The following CCDC102B variants were observed in gnomAD, a reference collection of about 807,000 sequenced individuals.
CCDC102B encodes the protein coiled-coil domain containing 102B, also known as coiled-coil domain-containing protein 102B.
A neutral mutation model predicts 57.4 loss-of-function variants in CCDC102B; 75 were observed. That is an observed-to-expected ratio of 1.31 (90% confidence interval 1.08 to 1.58). CCDC102B has a LOEUF of 1.58. CCDC102B is among the 40% of genes most tolerant of loss of function. The pLI, the probability that CCDC102B is intolerant of heterozygous loss-of-function variation, is 0.00. For synonymous variants in CCDC102B, 206 were observed against 201.9 expected (o/e 1.02, Z -0.17); for missense variants, 636 against 582.6 (o/e 1.09, Z -0.94).
chr18:68,907,426 T>C (rs1487442700), intron 6 of CCDC102B, among the ~76,000 whole-genome samples: 1 of 152,198 alleles, frequency 6.6e-6, no homozygotes, highest in Non-Finnish European at 1.5e-5. Context: ...TACGTATTCT[T>C]ATCTGTGCAT....
chr18:68,842,749 G>A (rs1054411118), intron 3 of CCDC102B, among the ~76,000 whole-genome samples: 4 of 152,170 alleles, frequency 2.6e-5, no homozygotes, highest in Non-Finnish European at 5.9e-5. Context: ...AATGGTGGCC[G>A]AAATAGTGTG....
intron 2 of CCDC102B, among the ~76,000 whole-genome samples, chr18:68,761,714 T>A (rs1393333379): frequency 6.6e-6 from 1 of 152,158 alleles, no homozygotes; most frequent in African/African-American, 2.4e-5. Context: ...TACAGCTTTT[T>A]ATAAGTGTTT....
chr18:68,891,323 A>G (rs1423620835), intron 5 of CCDC102B, among the ~76,000 whole-genome samples: 1 of 152,218 alleles, frequency 6.6e-6, no homozygotes, highest in Non-Finnish European at 1.5e-5. Flanking sequence ...AAATTGATAT[A>G]TAGTTACTTC....
chr18:68,949,057 G>T (rs1260647281), intron 6 of CCDC102B, among the ~76,000 whole-genome samples: 6 of 152,202 alleles, frequency 3.9e-5, no homozygotes, highest in Admixed American at 2.6e-4. Context: ...AAAGATGTGG[G>T]CTGGGAGGGT....
chr18:68,855,449 A>G (rs1048756418), intron 4 of CCDC102B, among the ~76,000 whole-genome samples: 2 of 152,218 alleles, frequency 1.3e-5, no homozygotes, highest in Admixed American at 1.3e-4. Flanking sequence ...TGTTCTTTAC[A>G]TATTTTAACA....
intron 7 of CCDC102B, among the ~76,000 whole-genome samples, chr18:69,042,817 T>G (rs1309489823): frequency 6.6e-6 from 1 of 152,102 alleles, no homozygotes; most frequent in Non-Finnish European, 1.5e-5. Flanking sequence ...TTGAAAATAA[T>G]GTATGTGTGG....
At chr18:68,888,403 T>C (rs1415178053) in intron 5 of CCDC102B, among the ~76,000 whole-genome samples, 1 of 152,206 alleles carries the variant, frequency 6.6e-6, no homozygotes, top group Non-Finnish European at 1.5e-5. Flanking sequence ...TAATTGATTG[T>C]TAATGGTATC....
At chr18:68,830,039 C>T (rs1418552674) in intron 1 of CCDC102B, among the ~76,000 whole-genome samples, 1 of 151,882 alleles carries the variant, frequency 6.6e-6, no homozygotes, top group Non-Finnish European at 1.5e-5. Flanking sequence ...GTGATTTGCT[C>T]TCACATTAGA....
chr18:69,047,613 A>G (rs1304494786), intron 7 of CCDC102B, among the ~76,000 whole-genome samples: 1 of 152,106 alleles, frequency 6.6e-6, no homozygotes, highest in Non-Finnish European at 1.5e-5. Flanking sequence ...CTGTTTGCAG[A>G]TGACGTGATT....
chr18:68,828,856 T>C (rs141380562), intron 1 of CCDC102B, among the ~76,000 whole-genome samples: 2 of 151,940 alleles, frequency 1.3e-5, no homozygotes, highest in African/African-American at 4.8e-5. Context: ...AATAAATAAG[T>C]TAAATACTGT....
At chr18:68,845,824 T>C (rs2037832173) in intron 3 of CCDC102B, among the ~76,000 whole-genome samples, 3 of 151,852 alleles carry the variant, frequency 2.0e-5, no homozygotes, top group Non-Finnish European at 4.4e-5. Flanking sequence ...CAATCAAATT[T>C]GAAATATTTA....
chr18:68,742,189 C>T (rs1186191922), intron 2 of CCDC102B, among the ~76,000 whole-genome samples: 1 of 152,148 alleles, frequency 6.6e-6, no homozygotes, highest in Non-Finnish European at 1.5e-5. Context: ...TCAGGCTTCT[C>T]TTTTAGCTTC....
intron 2 of CCDC102B, among the ~76,000 whole-genome samples, chr18:68,785,886 G>A (rs1182147171): frequency 2.0e-5 from 3 of 150,568 alleles, no homozygotes; most frequent in African/African-American, 7.3e-5. Context: ...TGGTGTTTTA[G>A]ACATGAAGTC....
chr18:68,806,349 C>T (rs2036033109), intron 1 of CCDC102B, among the ~76,000 whole-genome samples: 2 of 152,004 alleles, frequency 1.3e-5, no homozygotes, highest in Non-Finnish European at 2.9e-5. Flanking sequence ...TGCAACATCA[C>T]CTCTTCTGTA....
intron 5 of CCDC102B, among the ~76,000 whole-genome samples, chr18:68,883,969 C>T (rs535747141): frequency 6.2e-4 from 94 of 152,028 alleles, no homozygotes; most frequent in African/African-American, 2.0e-3. Flanking sequence ...TTTTAACATC[C>T]GGTAGAAAGT....
chr18:68,897,802 A>G (rs2040297312), intron 6 of CCDC102B: 2 of 382,708 alleles, frequency 5.2e-6, no homozygotes, highest in South Asian at 4.6e-5. Flanking sequence ...CTATACAATA[A>G]GCATTTGCTG....
chr18:68,761,824 T>C (rs2034263151), intron 2 of CCDC102B, among the ~76,000 whole-genome samples: 5 of 152,122 alleles, frequency 3.3e-5, no homozygotes, highest in Admixed American at 2.6e-4. Flanking sequence ...TAATTATTTA[T>C]ATTTTTGACT....
At chr18:68,936,336 T>C (rs2049236279) in intron 6 of CCDC102B, among the ~76,000 whole-genome samples, 1 of 151,988 alleles carries the variant, frequency 6.6e-6, no homozygotes, top group Non-Finnish European at 1.5e-5. Flanking sequence ...AGGAAGCAAA[T>C]TGTGCAAAAA....
chr18:69,043,130 C>A (rs1003248251), intron 7 of CCDC102B, among the ~76,000 whole-genome samples: 1 of 152,194 alleles, frequency 6.6e-6, no homozygotes, highest in East Asian at 1.9e-4. Flanking sequence ...GTCTTTGCAT[C>A]ATAGACAAGG....
Sources: allele counts gnomAD v4.1 joint callset (sites outside exome capture counted in the v4.1 genomes callset), GRCh38; gene constraint gnomAD v4.1.1; transcripts MANE v1.5; gene names NCBI Gene and HGNC (gene_info 2026-07-23, HGNC 2026-07-21).